POLR3B: variants seen among roughly 807,000 people sequenced by gnomAD.
POLR3B encodes RNA polymerase III subunit B.
Under a neutral mutation model 147.4 loss-of-function variants are expected in POLR3B, and 96 were observed. That is an observed-to-expected ratio of 0.65 (90% CI 0.55 to 0.77). POLR3B has a LOEUF of 0.77. Ranked by LOEUF, POLR3B falls within the 30% of genes least tolerant of loss-of-function variation. POLR3B has a pLI of 0.00. For synonymous variants in POLR3B, 461 were observed against 485.9 expected (o/e 0.95, Z 0.67); for missense variants, 1,036 against 1,413.5 (o/e 0.73, Z 4.28).
At chr12:106,433,155 G>C (rs2037532341) in intron 15 of POLR3B, among the ~76,000 whole-genome samples, 1 of 152,182 alleles carries the variant, frequency 6.6e-6, no homozygotes, top group Admixed American at 6.5e-5. Context: ...AGGGGTCAGA[G>C]CCTCAGCAGG....
At chr12:106,436,606 C>A (rs973213200) in intron 16 of POLR3B, among the ~76,000 whole-genome samples, 2 of 152,198 alleles carry the variant, frequency 1.3e-5, no homozygotes, top group Non-Finnish European at 2.9e-5. Flanking sequence ...GGTGACAGTG[C>A]TTCTTTGCCT....
chr12:106,388,589 T>A (rs550689138), intron 9 of POLR3B, among the ~76,000 whole-genome samples: 78 of 152,338 alleles, frequency 5.1e-4, no homozygotes, highest in African/African-American at 1.9e-3. Flanking sequence ...GTGCTGGGAT[T>A]ACAGGCGTGA....
intron 24 of POLR3B, 176 bp downstream of exon 24, chr12:106,496,334 T>G (rs892368680): frequency 1.3e-5 from 9 of 695,456 alleles, no homozygotes; most frequent in African/African-American, 3.5e-5. Context: ...GCCACTCCCC[T>G]CTACATAAAG....
chr12:106,502,859 CT>C (rs1396256937), intron 26 of POLR3B, among the ~76,000 whole-genome samples: 1 of 152,206 alleles, frequency 6.6e-6, no homozygotes, highest in Non-Finnish European at 1.5e-5. Flanking sequence ...CATCCAAAAA[CT>C]ATTTCAGAGT....
chr12:106,358,826 A>G (rs2036426033), intron 1 of POLR3B, among the ~76,000 whole-genome samples: 1 of 152,338 alleles, frequency 6.6e-6, no homozygotes, highest in South Asian at 2.1e-4. Flanking sequence ...TTGATTATGA[A>G]AAGTTTCAAT....
chr12:106,417,780 C>G (rs934595861), intron 12 of POLR3B, among the ~76,000 whole-genome samples: 2 of 151,888 alleles, frequency 1.3e-5, no homozygotes, highest in African/African-American at 4.8e-5. Context: ...CCATCAATCC[C>G]ATTTTTACTA....
At chr12:106,454,822 TATG>T in intron 20 of POLR3B, 111 bp downstream of exon 20, 1 of 714,082 alleles carries the variant, frequency 1.4e-6, no homozygotes, top group East Asian at 2.7e-5. Context: ...ATTTGAATTT[TATG>T]ATATAGAAAC....
chr12:106,367,884 T>C (rs900261183), intron 4 of POLR3B, among the ~76,000 whole-genome samples: 4 of 152,216 alleles, frequency 2.6e-5, no homozygotes, highest in Non-Finnish European at 5.9e-5. Context: ...TTCTTACCTA[T>C]AACAGTTATT....
intron 9 of POLR3B, among the ~76,000 whole-genome samples, chr12:106,382,262 G>C (rs1473093351): frequency 6.6e-6 from 1 of 152,116 alleles, no homozygotes; most frequent in East Asian, 1.9e-4. Flanking sequence ...CCTTTTATAA[G>C]ACAACCCTAG....
At chr12:106,448,043 C>T (rs2137020897) in intron 19 of POLR3B, among the ~76,000 whole-genome samples, 1 of 152,272 alleles carries the variant, frequency 6.6e-6, no homozygotes, top group South Asian at 2.1e-4. Flanking sequence ...CCTCCTCCCC[C>T]TTTCTGTTTG....
intron 7 of POLR3B, among the ~76,000 whole-genome samples, chr12:106,377,983 G>A (rs1359780049): frequency 2.6e-5 from 4 of 152,170 alleles, no homozygotes; most frequent in African/African-American, 9.7e-5. Context: ...AGCTACTCGG[G>A]AGACTGGGGC....
intron 15 of POLR3B, among the ~76,000 whole-genome samples, 157 bp from the exon 16 acceptor site, chr12:106,433,562 T>C (rs1260636016): frequency 6.6e-6 from 1 of 152,216 alleles, no homozygotes. Flanking sequence ...TCTTCCTTTG[T>C]TGCTTCCCTG....
At chr12:106,457,917 G>A (rs1301484790) in intron 21 of POLR3B, among the ~76,000 whole-genome samples, 2 of 152,116 alleles carry the variant, frequency 1.3e-5, no homozygotes, top group Admixed American at 6.6e-5. Flanking sequence ...TAAAGAAGAG[G>A]ATCAGGGAGC....
At chr12:106,364,868 G>A (rs113871017) in intron 2 of POLR3B, among the ~76,000 whole-genome samples, 8 of 152,232 alleles carry the variant, frequency 5.3e-5, no homozygotes, top group East Asian at 1.9e-4. Context: ...GGGCGCGGTG[G>A]CTCACGCCTG....
At chr12:106,426,222 T>TGTG (rs1555213087) in intron 12 of POLR3B, among the ~76,000 whole-genome samples, 5,278 of 131,220 alleles carry the variant, frequency 0.04, 129 homozygotes, top group East Asian at 0.068. Context: ...GGCCTGCAAT[T>TGTG]TGTGTGTGTG....
chr12:106,443,171 A>G (rs1043226887), intron 18 of POLR3B, among the ~76,000 whole-genome samples: 2 of 152,212 alleles, frequency 1.3e-5, no homozygotes, highest in Non-Finnish European at 2.9e-5. Context: ...TATAAAACTA[A>G]TGAGCTATTT....
At chr12:106,426,837 C>CT (rs2037443988) in intron 12 of POLR3B, among the ~76,000 whole-genome samples, 1 of 40,606 alleles carries the variant, frequency 2.5e-5, no homozygotes, top group South Asian at 1.2e-3. Context: ...TCTTCTCCAC[C>CT]GTCCCCCCCC....
intron 19 of POLR3B, among the ~76,000 whole-genome samples, chr12:106,445,807 T>A (rs1408472841): frequency 6.6e-6 from 1 of 152,180 alleles, no homozygotes; most frequent in Non-Finnish European, 1.5e-5. Context: ...ACAACCAGAA[T>A]GCATTTAGCT....
intron 13 of POLR3B, 65 bp from the exon 14 acceptor site, chr12:106,430,208 C>A: frequency 1.6e-6 from 2 of 1,245,736 alleles, no homozygotes; most frequent in South Asian, 1.2e-5. Context: ...CTTGGAGTGA[C>A]CGCACGGTAT....
Sources: allele counts gnomAD v4.1 joint callset (sites outside exome capture counted in the v4.1 genomes callset), GRCh38; gene constraint gnomAD v4.1.1; transcripts MANE v1.5; gene names NCBI Gene and HGNC (gene_info 2026-07-23, HGNC 2026-07-21).